SAMD5: variants seen among roughly 807,000 people sequenced by gnomAD.
The protein encoded by SAMD5 is sterile alpha motif domain containing 5.
Under a neutral mutation model 11.3 loss-of-function variants are expected in SAMD5, and 13 were observed. The ratio of observed to expected loss-of-function variants is 1.15; its 90% CI spans 0.75 to 1.83. The LOEUF (loss-of-function observed/expected upper bound fraction) is 1.83. SAMD5 is among the 40% of genes most tolerant of loss of function. The pLI, the probability that SAMD5 is intolerant of heterozygous loss-of-function variation, is 0.00. For missense variants in SAMD5, 255 were observed against 239.1 expected, an observed-to-expected ratio of 1.07 and a Z score of -0.44; for synonymous variants, 129 against 111.3, an observed-to-expected ratio of 1.16 and a Z score of -1.00.
intron 1 of SAMD5, among the ~76,000 whole-genome samples, chr6:147,612,655 G>T (rs1789803686): frequency 6.6e-6 from 1 of 152,088 alleles, no homozygotes; most frequent in African/African-American, 2.4e-5. Flanking sequence ...TGAGAAATAT[G>T]GTAGGAACAA....
At chr6:147,842,819 T>A in the SAMD5 span, among the ~76,000 whole-genome samples, 1 of 152,238 alleles carries the variant, frequency 6.6e-6, no homozygotes, top group Admixed American at 6.5e-5. Flanking sequence ...TTTGAATTGA[T>A]GATAGTTGCC....
the SAMD5 span, among the ~76,000 whole-genome samples, chr6:147,932,627 T>A: frequency 7.8e-6 from 1 of 128,628 alleles, no homozygotes; most frequent in Non-Finnish European, 1.6e-5. Context: ...TGTGTGTGTG[T>A]GTGTGTGTGT....
chr6:147,637,299 A>G (rs559701890), intron 1 of SAMD5, among the ~76,000 whole-genome samples: 71 of 152,328 alleles, frequency 4.7e-4, no homozygotes, highest in African/African-American at 1.7e-3. Flanking sequence ...CAGGCTCTCC[A>G]TAAACCTCAC....
the SAMD5 span, among the ~76,000 whole-genome samples, chr6:147,909,560 T>TC: frequency 4.1e-4 from 32 of 78,930 alleles, 1 homozygote; most frequent in South Asian, 2.9e-3. Context: ...CATCCATCTT[T>TC]TTTCTTTCTT....
intron 1 of SAMD5, among the ~76,000 whole-genome samples, chr6:147,688,773 A>G (rs1791057147): frequency 2.0e-5 from 3 of 152,132 alleles, no homozygotes; most frequent in Non-Finnish European, 4.4e-5. Context: ...ACTCCCCAAC[A>G]CTTAAAATGG....
intron 1 of SAMD5, among the ~76,000 whole-genome samples, chr6:147,663,310 G>C (rs552863436): frequency 6.6e-6 from 1 of 152,254 alleles, no homozygotes; most frequent in Admixed American, 6.5e-5. Context: ...ACACTCTGAG[G>C]CCTTTTGGAG....
chr6:147,607,569 T>C (rs1359744859), intron 1 of SAMD5, among the ~76,000 whole-genome samples: 1 of 151,976 alleles, frequency 6.6e-6, no homozygotes, highest in Non-Finnish European at 1.5e-5. Context: ...GCCAAGGATA[T>C]ACACTGGGGG....
intron 1 of SAMD5, among the ~76,000 whole-genome samples, chr6:147,606,594 T>C (rs994951104): frequency 6.6e-6 from 1 of 151,872 alleles, no homozygotes; most frequent in African/African-American, 2.4e-5. Context: ...ACTTTTTAAA[T>C]AGAGTCTAGA....
rs1222278326 is a variant in SAMD5, at chr6:147,565,345, A to G, written c.*889A>G. On this transcript the variant is annotated 3_prime_UTR_variant, in exon 2 of 2. Transcript: ENST00000367474. ...GGTGGGCAGCGGCAGTGGCCTGAGGAGCCCTGTAGAACTACGGCTGAAAAA... is the reference window on the plus strand; with the variant it reads ...GGTGGGCAGCGGCAGTGGCCTGAGGGGCCCTGTAGAACTACGGCTGAAAAA... 3.0e-6 allele frequency: 3 copies of G among 985,760 alleles called. No individual in the cohort carries two copies. The highest frequency in any genetic ancestry group is 3.5e-5 in the African/African-American group (2 of 57,246). The allele number at this position is 985,760 out of a possible 1,614,324, so 61.1% of individuals were successfully genotyped here.
chr6:147,686,929 A>T (rs1396600773), intron 1 of SAMD5, among the ~76,000 whole-genome samples: 1 of 152,252 alleles, frequency 6.6e-6, no homozygotes, highest in East Asian at 1.9e-4. Flanking sequence ...CATGTGCCGA[A>T]CGTGCAGTTT....
chr6:147,737,019 T>C (rs1395865101), intron 1 of SAMD5, among the ~76,000 whole-genome samples: 1 of 152,252 alleles, frequency 6.6e-6, no homozygotes, highest in African/African-American at 2.4e-5. Flanking sequence ...AACATTTCAG[T>C]ACAAATGAAA....
the SAMD5 span, among the ~76,000 whole-genome samples, chr6:147,859,148 A>G: frequency 1.3e-5 from 2 of 152,130 alleles, no homozygotes; most frequent in Non-Finnish European, 2.9e-5. Context: ...GGAGATGGGC[A>G]TTCCCCCAGG....
chr6:147,882,242 A>G, the SAMD5 span, among the ~76,000 whole-genome samples: 4 of 152,154 alleles, frequency 2.6e-5, no homozygotes, highest in Non-Finnish European at 5.9e-5. Flanking sequence ...GATTCTCCCA[A>G]CCACATCCAA....
the SAMD5 span, among the ~76,000 whole-genome samples, chr6:147,780,791 A>G: frequency 2.6e-5 from 4 of 152,228 alleles, no homozygotes; most frequent in African/African-American, 9.6e-5. Flanking sequence ...GGAAAAATAT[A>G]ACAATTTGTT....
At chr6:147,712,292 G>A (rs1412309118) in intron 1 of SAMD5, among the ~76,000 whole-genome samples, 1 of 152,136 alleles carries the variant, frequency 6.6e-6, no homozygotes, top group Non-Finnish European at 1.5e-5. Flanking sequence ...ACACATACTA[G>A]CATCAAATGG....
chr6:147,819,894 A>G, the SAMD5 span, among the ~76,000 whole-genome samples: 1 of 152,234 alleles, frequency 6.6e-6, no homozygotes, highest in African/African-American at 2.4e-5. Flanking sequence ...TATACCCATA[A>G]TTCCCATAGT....
intron 1 of SAMD5, among the ~76,000 whole-genome samples, chr6:147,576,784 G>C (rs1789223581): frequency 6.6e-6 from 1 of 152,184 alleles, no homozygotes; most frequent in Non-Finnish European, 1.5e-5. Flanking sequence ...ACAAAGACTT[G>C]CTATATTAGC....
At chr6:147,670,769 G>C (rs1368293097) in intron 1 of SAMD5, among the ~76,000 whole-genome samples, 1 of 152,202 alleles carries the variant, frequency 6.6e-6, no homozygotes, top group Non-Finnish European at 1.5e-5. Flanking sequence ...TGGCTGTTAG[G>C]ATCTTTTATC....
intron 1 of SAMD5, among the ~76,000 whole-genome samples, chr6:147,725,870 A>G (rs1791618713): frequency 6.6e-6 from 1 of 152,156 alleles, no homozygotes; most frequent in African/African-American, 2.4e-5. Flanking sequence ...AGAGACTGAG[A>G]TTACTATTTT....
Sources: gnomAD v4.1 joint callset for allele counts (sites outside exome capture counted in the v4.1 genomes callset) on GRCh38, gnomAD v4.1.1 for gene constraint, MANE v1.5 for transcripts, NCBI Gene and HGNC (gene_info 2026-07-23, HGNC 2026-07-21) for gene names.